Variants in CPNE4 observed in about 807,000 individuals in gnomAD.
CPNE4 encodes the protein copine-4.
Under a neutral mutation model 67.9 loss-of-function variants are expected in CPNE4, and 25 were observed. The observed-to-expected ratio is 0.37, with a 90% CI of 0.27 to 0.51. CPNE4 has a LOEUF of 0.51. Ranked by LOEUF, CPNE4 falls within the 20% of genes least tolerant of loss-of-function variation. The pLI is 0.93. For synonymous variants in CPNE4, 242 were observed against 244.9 expected, an observed-to-expected ratio of 0.99 and a Z score of 0.11; for missense variants, 464 against 690.8, an observed-to-expected ratio of 0.67 and a Z score of 3.68.
intron 1 of CPNE4, among the ~76,000 whole-genome samples, chr3:131,924,008 T>C (rs1225053): frequency 0.2 from 29,672 of 152,120 alleles, 3,494 homozygotes; most frequent in Non-Finnish European, 0.25. Flanking sequence ...CCCAGCTTAA[T>C]TCAACAGAAC....
chr3:131,882,810 G>A (rs1413163056), intron 2 of CPNE4, among the ~76,000 whole-genome samples: 3 of 146,628 alleles, frequency 2.0e-5, no homozygotes, highest in Non-Finnish European at 4.5e-5. Context: ...TCTGCCTCCC[G>A]AGTTCACACC....
At chr3:131,577,551 T>C (rs1368774323) in intron 9 of CPNE4, among the ~76,000 whole-genome samples, 1 of 152,112 alleles carries the variant, frequency 6.6e-6, no homozygotes, top group African/African-American at 2.4e-5. Flanking sequence ...TTTGTGTATC[T>C]AAACATATCT....
intron 2 of CPNE4, among the ~76,000 whole-genome samples, chr3:131,866,837 G>A (rs939169500): frequency 2.0e-5 from 3 of 152,244 alleles, no homozygotes; most frequent in South Asian, 4.1e-4. Flanking sequence ...GCAAAATTAC[G>A]CGAATTAATA....
chr3:131,924,077 G>A (rs1423998261), intron 1 of CPNE4, among the ~76,000 whole-genome samples: 1 of 152,130 alleles, frequency 6.6e-6, no homozygotes, highest in East Asian at 1.9e-4. Flanking sequence ...CTACTTGCAG[G>A]GTCTTCCAGA....
Position 131,664,434 on chromosome 3 carries a change from T to G in CPNE4, c.681+5241A>C, listed in dbSNP as rs543019090. Among the ~76,000 whole-genome samples the G allele has an allele frequency of 1.4e-4, 21 of 152,324 alleles. No individual in the cohort carries two copies. In the South Asian group the frequency reaches 3.7e-3, roughly 27 times the overall value. On this transcript the variant is annotated intron_variant, in intron 7 of 15. Coordinates refer to ENST00000429747, the MANE Select transcript of CPNE4 (RefSeq NM_130808.3). ...TCTGGGAGAGTAATTTATTTTCTTA[T>G]AAATCATACATTGATAAGTAAGCAT... is the stretch of plus-strand genomic sequence containing the variant.
chr3:131,770,562 G>A (rs1038012553), intron 2 of CPNE4, among the ~76,000 whole-genome samples: 1 of 152,220 alleles, frequency 6.6e-6, no homozygotes, highest in African/African-American at 2.4e-5. Context: ...CCAAGACCTA[G>A]AGGAAGCTCC....
At chr3:131,976,027 T>A (rs2072641933) in intron 1 of CPNE4, among the ~76,000 whole-genome samples, 2 of 148,156 alleles carry the variant, frequency 1.3e-5, no homozygotes, top group Non-Finnish European at 1.5e-5. Context: ...TGCTGATATT[T>A]AAAAAAAAAC....
chr3:131,563,427 A>G (rs143267111), intron 11 of CPNE4, among the ~76,000 whole-genome samples: 42 of 152,194 alleles, frequency 2.8e-4, no homozygotes, highest in African/African-American at 8.7e-4. Flanking sequence ...ACTACTGGAA[A>G]GGCAGAATAC....
chr3:131,966,520 T>A (rs2085859), intron 1 of CPNE4, among the ~76,000 whole-genome samples: 1 of 151,604 alleles, frequency 6.6e-6, no homozygotes, highest in Non-Finnish European at 1.5e-5. Context: ...ATAGACACAA[T>A]AAAAAATGAT....
intron 2 of CPNE4, among the ~76,000 whole-genome samples, chr3:131,856,279 T>C (rs2086439342): frequency 6.6e-6 from 1 of 151,912 alleles, no homozygotes; most frequent in Non-Finnish European, 1.5e-5. Flanking sequence ...ATGTCTTACA[T>C]GGTTTCTACA....
At chr3:131,628,865 G>C (rs1315076775) in intron 7 of CPNE4, among the ~76,000 whole-genome samples, 1 of 137,008 alleles carries the variant, frequency 7.3e-6, no homozygotes, top group Non-Finnish European at 1.5e-5. Context: ...TGGATTCATT[G>C]ATTTTTTGAA....
chr3:131,718,699 T>C (rs775849193), intron 3 of CPNE4, among the ~76,000 whole-genome samples: 10 of 152,212 alleles, frequency 6.6e-5, no homozygotes, highest in Non-Finnish European at 1.0e-4. Flanking sequence ...CTTAGTAATA[T>C]GCATTTTGAG....
chr3:131,881,452 C>T (rs544342607), intron 2 of CPNE4, among the ~76,000 whole-genome samples: 1 of 151,828 alleles, frequency 6.6e-6, no homozygotes, highest in South Asian at 2.1e-4. Context: ...TCACAGTTCC[C>T]CATGAGGTGT....
intron 1 of CPNE4, among the ~76,000 whole-genome samples, chr3:131,973,214 A>C (rs2072549920): frequency 6.6e-6 from 1 of 152,168 alleles, no homozygotes; most frequent in Admixed American, 6.5e-5. Context: ...GGAAGAAAAG[A>C]AAGGCTGGAG....
intron 2 of CPNE4, among the ~76,000 whole-genome samples, chr3:131,843,828 G>T (rs1238610199): frequency 6.6e-6 from 1 of 152,122 alleles, no homozygotes; most frequent in East Asian, 1.9e-4. Context: ...GTCAAAATGT[G>T]CCCCTCTGTT....
chr3:131,780,903 C>T (rs2083417843), intron 2 of CPNE4, among the ~76,000 whole-genome samples: 1 of 151,978 alleles, frequency 6.6e-6, no homozygotes, highest in Non-Finnish European at 1.5e-5. Flanking sequence ...TCAGCAGATC[C>T]ATAGGGGGAG....
At chr3:131,594,163 G>T (rs1433331797) in intron 7 of CPNE4, among the ~76,000 whole-genome samples, 1 of 151,994 alleles carries the variant, frequency 6.6e-6, no homozygotes, top group African/African-American at 2.4e-5. Flanking sequence ...ATTATATTAA[G>T]GTACATTTCT....
At chr3:131,766,451 T>C (rs1440606034) in intron 2 of CPNE4, among the ~76,000 whole-genome samples, 1 of 152,136 alleles carries the variant, frequency 6.6e-6, no homozygotes, top group Non-Finnish European at 1.5e-5. Flanking sequence ...AGTGTGGTGC[T>C]GGTAAGTTTG....
intron 5 of CPNE4, among the ~76,000 whole-genome samples, chr3:131,693,657 T>C (rs1560126626): frequency 6.6e-6 from 1 of 152,096 alleles, no homozygotes; most frequent in Non-Finnish European, 1.5e-5. Context: ...ATTATGAAAA[T>C]AGTATTGACT....
Sources: gnomAD v4.1 joint callset for allele counts (sites outside exome capture counted in the v4.1 genomes callset) on GRCh38, gnomAD v4.1.1 for gene constraint, MANE v1.5 for transcripts, NCBI Gene and HGNC (gene_info 2026-07-23, HGNC 2026-07-21) for gene names.